Variants in CNKSR1 observed in about 807,000 individuals in gnomAD.
CNKSR1 encodes CNK homolog protein 1.
A neutral mutation model predicts 95.6 loss-of-function variants in CNKSR1; 88 were observed. The observed-to-expected ratio is 0.92, with a 90% confidence interval of 0.78 to 1.10. The LOEUF is 1.10. Ranked by LOEUF, CNKSR1 falls within the 50% of genes least tolerant of loss-of-function variation. CNKSR1 has a pLI of 0.00. For synonymous variants in CNKSR1, 355 were observed against 369.7 expected, an observed-to-expected ratio of 0.96 and a Z score of 0.46; for missense variants, 836 against 912.0, an observed-to-expected ratio of 0.92 and a Z score of 1.07.
At chr1:26,180,943 C>G in intron 3 of CNKSR1, 47 bp downstream of exon 3, 1 of 1,609,134 alleles carries the variant, frequency 6.2e-7, no homozygotes, top group Non-Finnish European at 8.5e-7. Flanking sequence ...CATCCTTGGC[C>G]TCCTTCAGGG....
chr1:26,188,470 C>T lies in CNKSR1; in HGVS notation c.1557C>T (p.Asp519=). The T allele has an allele frequency of 1.2e-6, 2 of 1,605,314 alleles. No individual in the cohort carries two copies. Among genetic ancestry groups the T allele is most frequent in the Non-Finnish European group, 1.7e-6 (2 of 1,176,078 alleles). Residue 519 remains aspartate (D), a synonymous_variant, in exon 18 of 21, where the codon GAC becomes GAT. Transcript: ENST00000361530. ...EDCYSETEAE[D]PDDEAGSHSA... is the part of the protein sequence containing the mutation. Reference sequence around the variant, plus strand: ...GCTACAGTGAGACCGAAGCAGAGGACCCGGACGATGAGGCTGGGTCCCACT... The same window carrying T: ...GCTACAGTGAGACCGAAGCAGAGGATCCGGACGATGAGGCTGGGTCCCACT...
chr1:26,182,679 C>T, intron 6 of CNKSR1, 95 bp downstream of exon 6: 1 of 1,150,494 alleles, frequency 8.7e-7, no homozygotes, highest in Admixed American at 2.0e-5. Context: ...CCCTGTGCTG[C>T]CATGGCTGGA....
Position 26,187,444 on chromosome 1 carries a change from C to G in CNKSR1, c.1416C>G (p.Pro472=). ...AGCTCACCCATGATGTGTACAAACCCTTCATCTTCGCTGCTGATACCCTGA... is the reference window on the plus strand; with the variant it reads ...AGCTCACCCATGATGTGTACAAACCGTTCATCTTCGCTGCTGATACCCTGA... ...VFQLTHDVYK[P]FIFAADTLTD... The change falls in exon 16 of 21, where the codon CCC becomes CCG. Residue 472 remains proline (P), a synonymous_variant. Transcript: ENST00000361530. 1 of 1,614,030 alleles carries G rather than the reference C, an allele frequency of 6.2e-7. No homozygotes were observed.
In CNKSR1 at chr1:26,182,402, C is replaced by T. The variant is rs143057209; in HGVS notation, c.519C>T (p.Ile173=). 6.4e-5 allele frequency: 104 copies of T among 1,613,876 alleles called. No homozygotes were observed. In the African/African-American group the frequency reaches 9.7e-4, roughly 15 times the overall value. The part of the protein sequence containing the change: ...AAEKEGTVLR[I]CSHVAGICHN... Reference sequence around the variant, plus strand: ...AGAAGGAGGGCACAGTCCTGAGGATCGTGAGTCTGTGGGGTGGGAAGAGAG... The same window carrying T: ...AGAAGGAGGGCACAGTCCTGAGGATTGTGAGTCTGTGGGGTGGGAAGAGAG... The change falls in exon 5 of 21, where the codon ATC becomes ATT. Residue 173 remains isoleucine (I), a splice_region_variant and synonymous_variant. Coordinates refer to ENST00000361530, the MANE Select transcript of CNKSR1 (RefSeq NM_006314.3).
In CNKSR1 at chr1:26,184,727, C is replaced by G. The variant is rs530442934; in HGVS notation, c.1135+115C>G. The stretch of plus-strand genomic sequence containing the variant: ...CCCACACAGCCTCTCCTGGAAACAG[C>G]TCTGTTTCTAGGGTCAGACAGAGCT... On this transcript the variant is annotated intron_variant, in intron 13 of 20. Coordinates refer to ENST00000361530, the MANE Select transcript of CNKSR1 (RefSeq NM_006314.3). 78 of 1,275,670 alleles carry G rather than the reference C, an allele frequency of 6.1e-5. 1 individual carries two copies. The South Asian group carries it at 8.3e-4, about 14-fold the overall frequency. 79.0% of individuals were successfully genotyped at this position (1,275,670 alleles called of 1,614,324 possible). A position where few individuals can be genotyped will look rare whatever the true frequency, so the allele number is the denominator to read the frequency against.
intron 6 of CNKSR1, 103 bp downstream of exon 6, chr1:26,182,687 G>A (rs2088667714): frequency 1.8e-6 from 2 of 1,085,336 alleles, no homozygotes. Flanking sequence ...TGCCATGGCT[G>A]GAAAGCCTTT....
At chr1:26,179,512 T>C (rs1297508857) in intron 1 of CNKSR1, among the ~76,000 whole-genome samples, 1 of 152,154 alleles carries the variant, frequency 6.6e-6, no homozygotes, top group Non-Finnish European at 1.5e-5. Flanking sequence ...CAGGATATGA[T>C]GCTGGAAAGG....
At chr1:26,183,124 T>G in intron 6 of CNKSR1, 73 bp from the exon 7 acceptor site, 1 of 1,424,494 alleles carries the variant, frequency 7.0e-7, no homozygotes, top group Non-Finnish European at 9.9e-7. Context: ...AGAGTCCTGG[T>G]GTCTGGCGGG....
chr1:26,188,043 G>A (rs935950170), intron 16 of CNKSR1, among the ~76,000 whole-genome samples, 191 bp from the exon 17 acceptor site: 2 of 151,934 alleles, frequency 1.3e-5, no homozygotes, highest in East Asian at 1.9e-4. Context: ...TGACAGACGC[G>A]AGCCACCGCA....
intron 11 of CNKSR1, 32 bp downstream of exon 11, chr1:26,184,319 A>C: frequency 6.2e-7 from 1 of 1,608,448 alleles, no homozygotes; most frequent in Non-Finnish European, 8.5e-7. Context: ...TGCCCCGGAC[A>C]CGGCATCTGG....
At chr1:26,188,189 G>GC (rs777905761) in intron 16 of CNKSR1, 45 bp from the exon 17 acceptor site, 1 of 1,542,362 alleles carries the variant, frequency 6.5e-7, no homozygotes, top group Non-Finnish European at 9.0e-7. Flanking sequence ...ATACAAGAGG[G>GC]CCCCAGTGGA....
intron 3 of CNKSR1, chr1:26,181,605 T>C: frequency 4.3e-6 from 2 of 470,142 alleles, no homozygotes; most frequent in Non-Finnish European, 7.8e-6. Flanking sequence ...CAAAGTTAAA[T>C]TGATATTGAT....
intron 20 of CNKSR1, 114 bp downstream of exon 20, chr1:26,189,067 G>A (rs1331686001): frequency 6.0e-5 from 80 of 1,336,974 alleles, no homozygotes; most frequent in Middle Eastern, 2.5e-4. Context: ...ACTCAGCTCC[G>A]GACCCTGGGC....
intron 14 of CNKSR1, among the ~76,000 whole-genome samples, chr1:26,186,265 A>G (rs1168240056): frequency 1.3e-5 from 2 of 152,222 alleles, no homozygotes; most frequent in African/African-American, 4.8e-5. Context: ...TGTCTACTGA[A>G]GGAACAAATG....
intron 14 of CNKSR1, chr1:26,186,767 C>A (rs991103620): frequency 2.3e-5 from 6 of 266,242 alleles, no homozygotes; most frequent in Non-Finnish European, 4.4e-5. Flanking sequence ...AGCCACCACA[C>A]CCGACCTAAG....
chr1:26,187,331 C>T lies in CNKSR1; in HGVS notation c.1383-80C>T, dbSNP rs977330469. 4 of 1,596,402 alleles carry T rather than the reference C, an allele frequency of 2.5e-6. No homozygotes were observed. The African/African-American group carries it at 5.4e-5, about 21-fold the overall frequency. ...TAGCAGTGGGAGGTGTGGCAAGTGG[C>T]TGGGGCGCCCAGAATCCAGCCTCTC... On this transcript the variant is annotated intron_variant, in intron 15 of 20. Coordinates refer to ENST00000361530, the MANE Select transcript of CNKSR1 (RefSeq NM_006314.3).
chr1:26,178,024 A>G (rs887157909), intron 1 of CNKSR1, among the ~76,000 whole-genome samples: 7 of 152,184 alleles, frequency 4.6e-5, no homozygotes, highest in Non-Finnish European at 5.9e-5. Flanking sequence ...CAGTCAACAA[A>G]TATTTACAGA....
rs754929980 is a variant in CNKSR1 at position 26,185,032 on chromosome 1, G to A, written c.1154G>A (p.Ser385Asn). The A allele has an allele frequency of 5.2e-5, 84 of 1,600,260 alleles. No homozygotes were observed. The highest frequency in any genetic ancestry group is 7.0e-5 in the Non-Finnish European group (82 of 1,178,098). ...GCTACAGGCCTGGCGACCCGGCTGA[G>A]CCGCCGGCGGGTGTCATGCCGTGAG... ...KKSKGLATRL[S>N]RRRVSCRELG... Residue 385 changes from serine to asparagine, a missense_variant, in exon 14 of 21, where the codon AGC (serine) becomes AAC (asparagine). Transcript: ENST00000361530.
rs1382068058 is a variant in CNKSR1, at chr1:26,189,344, G to T, written c.1938G>T (p.Lys646Asn). ...GTGACCCTGAGCTGACAGGAGAGAA[G>T]TTCCGCCAGTGGAAGGAGCAGAACC... ...VLGDPELTGE[K>N]FRQWKEQNRE... The change falls in exon 21 of 21, where the codon AAG becomes AAT. Residue 646 changes from lysine (K) to asparagine (N), a missense_variant. By Grantham distance (94) the Lys-to-Asn change is moderately conservative. Transcript: ENST00000361530. 6.2e-7 allele frequency: 1 copy of T among 1,614,184 alleles called. No individual in the cohort carries two copies. The highest frequency in any genetic ancestry group is 1.1e-5 in the South Asian group (1 of 91,084).
Sources: allele counts gnomAD v4.1 joint callset (sites outside exome capture counted in the v4.1 genomes callset), GRCh38; gene constraint gnomAD v4.1.1; transcripts MANE v1.5; gene names NCBI Gene and HGNC (gene_info 2026-07-23, HGNC 2026-07-21).